The following MECOM variants were observed in gnomAD, a reference collection of about 807,000 sequenced individuals.
MECOM encodes histone-lysine N-methyltransferase MECOM.
MECOM carries 13 observed loss-of-function variants against 116.3 expected under a neutral mutation model. That is an observed-to-expected ratio of 0.11 (90% confidence interval 0.07 to 0.18). MECOM has a LOEUF of 0.18. Ranked by LOEUF, MECOM falls within the 10% of genes least tolerant of loss-of-function variation. The pLI is 1.00. For synonymous variants in MECOM, 528 were observed against 535.2 expected (o/e 0.99, Z 0.19); for missense variants, 1,299 against 1,509.0 (o/e 0.86, Z 2.31).
At chr3:169,599,937 T>C (rs1459587924) in intron 1 of MECOM, among the ~76,000 whole-genome samples, 1 of 152,152 alleles carries the variant, frequency 6.6e-6, no homozygotes, top group Non-Finnish European at 1.5e-5. Context: ...GATTTATGTA[T>C]GGATATATGT....
chr3:169,101,589 C>G (rs1421745567), intron 11 of MECOM, among the ~76,000 whole-genome samples: 1 of 150,036 alleles, frequency 6.7e-6, no homozygotes. Flanking sequence ...AAATCACACA[C>G]AAAACCAGAA....
At chr3:169,571,643 T>G (rs980377869) in intron 1 of MECOM, among the ~76,000 whole-genome samples, 1 of 151,986 alleles carries the variant, frequency 6.6e-6, no homozygotes, top group African/African-American at 2.4e-5. Context: ...CCAAAACAGA[T>G]ATATAGACCA....
chr3:169,300,326 A>G (rs1716470522), intron 2 of MECOM, among the ~76,000 whole-genome samples: 1 of 152,242 alleles, frequency 6.6e-6, no homozygotes. Flanking sequence ...CATAATTTAC[A>G]TACTAAGAAG....
chr3:169,536,347 CTTTT>C lies in MECOM; in HGVS notation c.37+126985_37+126988del, dbSNP rs10634392. ...GAGCTCTGTTTGTTAAATGTCTCTCCTTTTTTTTTTTTTTTTTTTTGGTATTCCT... is the reference window on the plus strand; with the variant it reads ...GAGCTCTGTTTGTTAAATGTCTCTCCTTTTTTTTTTTTTTTTGGTATTCCT... On this transcript the variant is annotated intron_variant, in intron 1 of 16. Coordinates refer to ENST00000651503, the MANE Select transcript of MECOM (RefSeq NM_004991.4). 2.6e-5 allele frequency among the ~76,000 whole-genome samples: 3 copies of C among 116,080 alleles called. No homozygotes were observed. The South Asian group carries it at 8.2e-4, about 32-fold the overall frequency. 76.2% of individuals were successfully genotyped at this position (116,080 alleles called of 152,430 possible).
At chr3:169,556,883 G>T (rs1576862831) in intron 1 of MECOM, among the ~76,000 whole-genome samples, 1 of 152,102 alleles carries the variant, frequency 6.6e-6, no homozygotes, top group Non-Finnish European at 1.5e-5. Context: ...TGTTATGCCA[G>T]CTCCCAGATT....
chr3:169,363,526 A>G (rs1030004264), intron 2 of MECOM, among the ~76,000 whole-genome samples: 6 of 151,742 alleles, frequency 4.0e-5, no homozygotes, highest in Non-Finnish European at 7.4e-5. Flanking sequence ...TTAGTATGCA[A>G]TTTTCACCTC....
At chr3:169,631,720 T>C (rs977026871) in intron 1 of MECOM, among the ~76,000 whole-genome samples, 1 of 151,458 alleles carries the variant, frequency 6.6e-6, no homozygotes, top group Non-Finnish European at 1.5e-5. Context: ...TGTTTGGTTT[T>C]TTGTTCTTGC....
At chr3:169,225,220 A>G (rs928372339) in intron 2 of MECOM, among the ~76,000 whole-genome samples, 8 of 152,226 alleles carry the variant, frequency 5.3e-5, no homozygotes, top group African/African-American at 1.4e-4. Flanking sequence ...TATGAGAAAA[A>G]TGTTAAATGC....
chr3:169,531,393 A>T (rs528440388), intron 1 of MECOM, among the ~76,000 whole-genome samples: 1 of 152,326 alleles, frequency 6.6e-6, no homozygotes, highest in African/African-American at 2.4e-5. Flanking sequence ...TCATTATATT[A>T]ACAGTAACAA....
chr3:169,274,198 C>T (rs191731503), intron 2 of MECOM, among the ~76,000 whole-genome samples: 90 of 152,262 alleles, frequency 5.9e-4, no homozygotes, highest in African/African-American at 2.1e-3. Context: ...AGGCATGAGG[C>T]ACTGTGCCTG....
At chr3:169,128,732 C>T (rs1488105) in intron 4 of MECOM, among the ~76,000 whole-genome samples, 81,603 of 151,988 alleles carry the variant, frequency 0.54, 23,072 homozygotes, top group Admixed American at 0.65. Flanking sequence ...AGGGTCAGTG[C>T]TAATTGTCAT....
chr3:169,491,843 T>A (rs1349974263), intron 1 of MECOM, among the ~76,000 whole-genome samples: 1 of 152,248 alleles, frequency 6.6e-6, no homozygotes, highest in Non-Finnish European at 1.5e-5. Flanking sequence ...TACAAAATGC[T>A]ATGAATCACA....
At chr3:169,472,592 GGAAAGGAAAGGAAAGGAAAGGAAA>G (rs1749627116) in intron 1 of MECOM, among the ~76,000 whole-genome samples, 3 of 60,386 alleles carry the variant, frequency 5.0e-5, no homozygotes, top group African/African-American at 2.4e-4. Context: ...GGAAAGGAAA[GGAAAGGAAAGGAAAGGAAAGGAAA>G]GAAAAGAAAA....
chr3:169,659,742 C>T (rs1447431490), intron 1 of MECOM, among the ~76,000 whole-genome samples: 1 of 151,974 alleles, frequency 6.6e-6, no homozygotes, highest in Non-Finnish European at 1.5e-5. Flanking sequence ...GAGTAAATGC[C>T]TGAATCTGGG....
rs1356356783 is a variant in MECOM, at chr3:169,611,388, A to G, written c.37+51948T>C. 6.6e-6 allele frequency among the ~76,000 whole-genome samples: 1 copy of G among 152,216 alleles called. No homozygotes were observed. Among genetic ancestry groups the G allele is most frequent in the Non-Finnish European group, 1.5e-5 (1 of 68,036 alleles). ...CTCAACCATGCGGAGGAACGCTTCC[A>G]TTCACACATTTTGTCCCCCTAACCC... On this transcript the variant is annotated intron_variant, in intron 1 of 16. Transcript: ENST00000651503. This position sits in a 1 kb window ranked among gnomAD's most constrained non-coding sequence, Gnocchi z 4.1.
At chr3:169,650,764 A>C (rs1420909579) in intron 1 of MECOM, among the ~76,000 whole-genome samples, 1 of 151,826 alleles carries the variant, frequency 6.6e-6, no homozygotes, top group East Asian at 1.9e-4. Context: ...AGCTTCCTTT[A>C]ATTGCAGACT....
intron 1 of MECOM, among the ~76,000 whole-genome samples, chr3:169,653,003 A>G (rs1054440440): frequency 6.6e-6 from 1 of 152,162 alleles, no homozygotes; most frequent in Non-Finnish European, 1.5e-5. Flanking sequence ...TTTAAGATCA[A>G]TAACAATTTG....
intron 2 of MECOM, among the ~76,000 whole-genome samples, chr3:169,213,839 CAACT>C (rs759371534): frequency 1.1e-4 from 16 of 152,150 alleles, no homozygotes; most frequent in South Asian, 8.3e-4. Context: ...TTTATTTTAC[CAACT>C]GAGACCCTGA....
intron 1 of MECOM, among the ~76,000 whole-genome samples, chr3:169,656,516 A>T (rs1399076281): frequency 1.3e-5 from 2 of 152,210 alleles, no homozygotes; most frequent in Non-Finnish European, 2.9e-5. Flanking sequence ...ATAATGAAAC[A>T]GTTCTTTAAC....
Sources: gnomAD v4.1 joint callset for allele counts (sites outside exome capture counted in the v4.1 genomes callset) on GRCh38, gnomAD v4.1.1 for gene constraint, Gnocchi (gnomAD v3.1) non-coding constraint, MANE v1.5 for transcripts, NCBI Gene and HGNC (gene_info 2026-07-23, HGNC 2026-07-21) for gene names.